The following PSPC1 variants were observed in gnomAD, a reference collection of about 807,000 sequenced individuals.
PSPC1 encodes the protein paraspeckle component 1.
PSPC1 carries 14 observed loss-of-function variants against 51.6 expected under a neutral mutation model. That is an observed-to-expected ratio of 0.27 (90% CI 0.18 to 0.42). The LOEUF (loss-of-function observed/expected upper bound fraction) is 0.42. Ranked by LOEUF, PSPC1 falls within the 10% of genes least tolerant of loss-of-function variation. The probability of loss-of-function intolerance (pLI) is 1.00; values close to 1 mark genes in which losing one functional copy is unlikely to be tolerated. For missense variants in PSPC1, 406 were observed against 701.1 expected, an observed-to-expected ratio of 0.58 and a Z score of 4.75; for synonymous variants, 193 against 231.9, an observed-to-expected ratio of 0.83 and a Z score of 1.53.
chr13:19,738,773 G>A (rs193006626), intron 5 of PSPC1, among the ~76,000 whole-genome samples: 188 of 152,214 alleles, frequency 1.2e-3, no homozygotes, highest in Admixed American at 2.5e-3. Flanking sequence ...CAGGCATGGT[G>A]GCACGCGTCT....
At chr13:19,697,941 A>G (rs920203142), downstream of PSPC1, among the ~76,000 whole-genome samples, 2 of 152,154 alleles carry the variant, frequency 1.3e-5, no homozygotes, top group Non-Finnish European at 2.9e-5. Flanking sequence ...AAAGTAAATT[A>G]TTTAAATAAC....
At chr13:19,727,424 C>A (rs1031305979) in intron 6 of PSPC1, among the ~76,000 whole-genome samples, 3 of 151,926 alleles carry the variant, frequency 2.0e-5, no homozygotes, top group African/African-American at 7.2e-5. Flanking sequence ...AAAGAAACTT[C>A]TCAAATTTTA....
At chr13:19,736,527 C>T (rs569353932) in intron 5 of PSPC1, among the ~76,000 whole-genome samples, 27 of 151,880 alleles carry the variant, frequency 1.8e-4, no homozygotes, top group African/African-American at 2.7e-4. Context: ...ACTAAAAATA[C>T]AAAAAATTAG....
Position 19,782,708 on chromosome 13 carries a change from G to T in PSPC1, c.50C>A (p.Ala17Asp). Residue 17 changes from alanine to aspartate, a missense_variant, in exon 1 of 9, where the codon GCC becomes GAC. Ala to Asp is a moderately radical substitution (Grantham distance 126). Coordinates refer to ENST00000338910, the MANE Select transcript of PSPC1 (RefSeq NM_001354909.2). This position sits in a 1 kb window ranked among gnomAD's most constrained non-coding sequence, Gnocchi z 4.5. The stretch of plus-strand genomic sequence containing the variant: ...CGCGGACTCCAGGGCGCGAAGGCGG[G>T]CCGGGTTTTTCTCAATGCGCACTTG... ...LKQVRIEKNP[A>D]RLRALESAVG... 1 of 1,570,512 alleles carries T rather than the reference G, an allele frequency of 6.4e-7. No homozygotes were observed. The highest frequency in any genetic ancestry group is 1.1e-5 in the South Asian group (1 of 87,674).
chr13:19,749,121 C>T (rs1388732749), intron 4 of PSPC1, among the ~76,000 whole-genome samples: 1 of 151,958 alleles, frequency 6.6e-6, no homozygotes, highest in Non-Finnish European at 1.5e-5. Flanking sequence ...CCGAGGCGGG[C>T]GGATCACCTG....
chr13:19,750,360 T>C (rs184876154), intron 4 of PSPC1, among the ~76,000 whole-genome samples: 5 of 151,570 alleles, frequency 3.3e-5, no homozygotes, highest in African/African-American at 1.2e-4. Flanking sequence ...TGAACCCAGG[T>C]GGTGGAGGCT....
chr13:19,698,664 A>G (rs890396376), downstream of PSPC1, among the ~76,000 whole-genome samples: 10 of 151,932 alleles, frequency 6.6e-5, no homozygotes, highest in Admixed American at 6.6e-4. Context: ...CATCTCTTTT[A>G]AAGTTCATCT....
In PSPC1 at chr13:19,768,888, G is replaced by A. The variant is rs1289669197; in HGVS notation, c.674+3354C>T. ...AGTGGCTCACACCTGTAATCCCAGCGCTTAGGGAAACCGAAGCAGGTGGAT... is the reference window on the plus strand; with the variant it reads ...AGTGGCTCACACCTGTAATCCCAGCACTTAGGGAAACCGAAGCAGGTGGAT... On this transcript the variant is annotated intron_variant, in intron 2 of 8. Coordinates refer to ENST00000338910, the MANE Select transcript of PSPC1 (RefSeq NM_001354909.2). Among the ~76,000 whole-genome samples the A allele has an allele frequency of 4.0e-5, 6 of 148,670 alleles. No homozygotes were observed. The East Asian group carries it at 6.0e-4, about 15-fold the overall frequency.
At chr13:19,704,360 T>C (rs575736505) in intron 8 of PSPC1, among the ~76,000 whole-genome samples, 22 of 152,218 alleles carry the variant, frequency 1.4e-4, no homozygotes, top group Non-Finnish European at 2.6e-4. Context: ...ACTGCCAGCA[T>C]GTCCAATTTC....
At chr13:19,740,862 G>A (rs2138032866) in intron 5 of PSPC1, among the ~76,000 whole-genome samples, 1 of 151,388 alleles carries the variant, frequency 6.6e-6, no homozygotes, top group South Asian at 2.1e-4. Flanking sequence ...TTAACACGGA[G>A]TCAACTTCCA....
At chr13:19,740,372 G>C (rs1432678322) in intron 5 of PSPC1, among the ~76,000 whole-genome samples, 1 of 151,896 alleles carries the variant, frequency 6.6e-6, no homozygotes, top group African/African-American at 2.4e-5. Context: ...ATTGGGTAGA[G>C]TAAAATCACA....
chr13:19,695,474 T>C (rs1879093247), intron 6 of PSPC1, among the ~76,000 whole-genome samples: 1 of 152,232 alleles, frequency 6.6e-6, no homozygotes, highest in South Asian at 2.1e-4. Context: ...TAAAGGGCAA[T>C]GTAGCACAAT....
intron 2 of PSPC1, among the ~76,000 whole-genome samples, chr13:19,767,693 A>C (rs1888205521): frequency 1.3e-5 from 2 of 152,084 alleles, no homozygotes; most frequent in Non-Finnish European, 2.9e-5. Flanking sequence ...TTTTCAATTA[A>C]TGGTGCTGGA....
chr13:19,778,201 C>A (rs1889382323), intron 1 of PSPC1, among the ~76,000 whole-genome samples: 1 of 150,996 alleles, frequency 6.6e-6, no homozygotes, highest in African/African-American at 2.4e-5. Context: ...AAGATCCCGC[C>A]ACTGCACTCC....
chr13:19,739,371 T>C (rs1313024921), intron 5 of PSPC1, among the ~76,000 whole-genome samples: 1 of 152,224 alleles, frequency 6.6e-6, no homozygotes, highest in Non-Finnish European at 1.5e-5. Context: ...CTAGCTGTCA[T>C]CTCTAAGTTT....
At chr13:19,739,470 G>A (rs1042710621) in intron 5 of PSPC1, among the ~76,000 whole-genome samples, 2 of 152,156 alleles carry the variant, frequency 1.3e-5, no homozygotes, top group African/African-American at 2.4e-5. Flanking sequence ...AGATCTGGCC[G>A]GGCGTGGTGG....
chr13:19,686,892 A>G (rs1877946620), intron 6 of PSPC1, among the ~76,000 whole-genome samples: 1 of 152,142 alleles, frequency 6.6e-6, no homozygotes, highest in Non-Finnish European at 1.5e-5. Context: ...CCACTGACCA[A>G]GTATGAATAT....
At position 19,709,343 on chromosome 13, in the gene PSPC1, C is replaced by T. The variant is rs1381277345; in HGVS notation, c.1216+199G>A. 2.6e-5 allele frequency among the ~76,000 whole-genome samples: 4 copies of T among 152,016 alleles called. No individual in the cohort carries two copies. The East Asian group carries it at 7.7e-4, about 29-fold the overall frequency. ...ACATCTTTTAGCCTTCAAACAAAAA[C>T]AAAATGAGAATTTTCTTCCCAGACA... On this transcript the variant is annotated intron_variant, in intron 7 of 8. Coordinates refer to ENST00000338910, the MANE Select transcript of PSPC1 (RefSeq NM_001354909.2).
chr13:19,699,498 T>C (rs1018737369), downstream of PSPC1: 2 of 152,056 alleles, frequency 1.3e-5, no homozygotes, highest in African/African-American at 4.8e-5. Flanking sequence ...CAAAATGATC[T>C]TGTAAAGTAT....
Sources: allele counts gnomAD v4.1 joint callset (sites outside exome capture counted in the v4.1 genomes callset), GRCh38; gene constraint gnomAD v4.1.1; non-coding constraint Gnocchi (gnomAD v3.1); transcripts MANE v1.5; gene names NCBI Gene and HGNC (gene_info 2026-07-23, HGNC 2026-07-21).